Variants in DNAH8 observed in about 807,000 individuals in gnomAD.
DNAH8 encodes axonemal beta dynein heavy chain 8.
A neutral mutation model predicts 562.1 loss-of-function variants in DNAH8; 382 were observed. The ratio of observed to expected loss-of-function variants is 0.68; its 90% CI spans 0.63 to 0.74. The LOEUF is 0.74. DNAH8 is among the 30% of genes least tolerant of loss of function. DNAH8 has a pLI of 0.00. For missense variants in DNAH8, 5,203 were observed against 5,620.4 expected (o/e 0.93, Z 2.37); for synonymous variants, 1,881 against 1,919.4 (o/e 0.98, Z 0.52).
chr6:38,793,755 C>T (rs900843419), intron 21 of DNAH8, among the ~76,000 whole-genome samples: 1 of 151,444 alleles, frequency 6.6e-6, no homozygotes, highest in African/African-American at 2.4e-5. Flanking sequence ...TGATCTTTTT[C>T]TCATGTCTTT....
At chr6:38,772,032 T>C (rs1284375106) in intron 12 of DNAH8, among the ~76,000 whole-genome samples, 1 of 149,672 alleles carries the variant, frequency 6.7e-6, no homozygotes, top group East Asian at 1.9e-4. Flanking sequence ...ATGATTTCTT[T>C]TTTTTTTTTT....
chr6:39,029,917 A>G (rs1190895869), intron 92 of DNAH8, among the ~76,000 whole-genome samples, 188 bp from the exon 93 acceptor site: 1 of 152,164 alleles, frequency 6.6e-6, no homozygotes, highest in African/African-American at 2.4e-5. Flanking sequence ...TCATAGCCTC[A>G]ACACAGGCTG....
chr6:39,013,156 C>G (rs562640990), intron 91 of DNAH8, among the ~76,000 whole-genome samples: 3 of 152,080 alleles, frequency 2.0e-5, no homozygotes, highest in Non-Finnish European at 4.4e-5. Flanking sequence ...TTCATTTATT[C>G]CTTCCTTCTA....
Position 38,917,415 on chromosome 6 carries a change from A to C in DNAH8, c.10308+9A>C, listed in dbSNP as rs771220914. 3.1e-6 allele frequency: 5 copies of C among 1,611,040 alleles called. No individual in the cohort carries two copies. In the East Asian group the frequency reaches 1.1e-4, roughly 36 times the overall value. ...GGGGAGAGTCATTAAAGGTAAGTAAAATCTATCATTGTCAATCCTATGAGC... is the reference window on the plus strand; with the variant it reads ...GGGGAGAGTCATTAAAGGTAAGTAACATCTATCATTGTCAATCCTATGAGC... On this transcript the variant is annotated intron_variant, in intron 69 of 92. Coordinates refer to ENST00000327475, the MANE Select transcript of DNAH8 (RefSeq NM_001206927.2).
At chr6:38,902,330 A>G (rs1185119250) in intron 62 of DNAH8, among the ~76,000 whole-genome samples, 4 of 152,012 alleles carry the variant, frequency 2.6e-5, no homozygotes, top group Non-Finnish European at 5.9e-5. Flanking sequence ...CACCACCTCT[A>G]TCTGGTGGGT....
chr6:38,718,817 T>C (rs1216067223), intron 1 of DNAH8, among the ~76,000 whole-genome samples: 1 of 152,200 alleles, frequency 6.6e-6, no homozygotes, highest in African/African-American at 2.4e-5. Flanking sequence ...GTTTGTGGTC[T>C]TTTGGAAGAA....
intron 22 of DNAH8, among the ~76,000 whole-genome samples, chr6:38,803,980 A>C (rs1771023600): frequency 6.6e-6 from 1 of 152,206 alleles, no homozygotes; most frequent in Non-Finnish European, 1.5e-5. Context: ...GATTCTGCCC[A>C]CACCCTCATA....
At chr6:38,771,563 C>T (rs1767579037) in intron 12 of DNAH8, among the ~76,000 whole-genome samples, 1 of 152,102 alleles carries the variant, frequency 6.6e-6, no homozygotes. Flanking sequence ...CTCCTCTCCC[C>T]AGTTTTAAGC....
intron 57 of DNAH8, among the ~76,000 whole-genome samples, chr6:38,887,833 CT>C (rs538279493): frequency 0.03 from 3,600 of 120,832 alleles, 59 homozygotes; most frequent in African/African-American, 0.072. Flanking sequence ...AAAGGGCAGA[CT>C]TTTTTTTTTT....
At chr6:38,851,014 C>T (rs148696225) in intron 38 of DNAH8, among the ~76,000 whole-genome samples, 251 of 152,278 alleles carry the variant, frequency 1.6e-3, no homozygotes, top group African/African-American at 5.8e-3. Context: ...CCACTGCAGG[C>T]GTAGAATAGA....
Position 38,739,540 on chromosome 6 carries a change from C to T in DNAH8, c.1116+1568C>T, listed in dbSNP as rs150558335. ...AATAGAACATGGCTAGGCATGGTGG[C>T]TCATGCTTGTAATCCCAGCACTTTG... On this transcript the variant is annotated intron_variant, in intron 7 of 92. Transcript: ENST00000327475. 2.1e-3 allele frequency among the ~76,000 whole-genome samples: 327 copies of T among 152,272 alleles called. 4 individuals carry two copies. The highest frequency in any genetic ancestry group is 7.6e-3 in the African/African-American group (314 of 41,566).
At chr6:38,789,720 T>A (rs1013239455) in intron 18 of DNAH8, 83 bp from the exon 19 acceptor site, 10 of 1,049,838 alleles carry the variant, frequency 9.5e-6, no homozygotes, top group Non-Finnish European at 1.4e-5. Context: ...ACTGGGATTA[T>A]GAAACCTTCC....
At chr6:38,854,447 A>G (rs1399847567) in intron 41 of DNAH8, among the ~76,000 whole-genome samples, 3 of 152,174 alleles carry the variant, frequency 2.0e-5, no homozygotes, top group Non-Finnish European at 2.9e-5. Context: ...TAGTGCACAC[A>G]AAATGAAGAC....
chr6:38,759,310 A>AAAACAAAC (rs77729842), intron 10 of DNAH8, among the ~76,000 whole-genome samples: 1,540 of 151,142 alleles, frequency 0.01, 21 homozygotes, highest in African/African-American at 0.03. Flanking sequence ...CCTGTCTCAA[A>AAAACAAAC]AAACAAACAA....
At chr6:38,768,572 T>TA (rs11302547) in intron 11 of DNAH8, among the ~76,000 whole-genome samples, 3,004 of 149,684 alleles carry the variant, frequency 0.02, 107 homozygotes, top group African/African-American at 0.068. Flanking sequence ...GCCTGTTTAT[T>TA]AAAAAAAAAA....
intron 10 of DNAH8, among the ~76,000 whole-genome samples, chr6:38,758,952 T>C (rs1461159485): frequency 6.6e-6 from 1 of 152,138 alleles, no homozygotes; most frequent in East Asian, 1.9e-4. Context: ...TGAGGATTTT[T>C]GCATCCATGT....
chr6:39,027,866 A>C (rs1359735336), intron 92 of DNAH8, among the ~76,000 whole-genome samples: 1 of 152,132 alleles, frequency 6.6e-6, no homozygotes, highest in Non-Finnish European at 1.5e-5. Context: ...GGTAGTTGTG[A>C]AGATTTAAAT....
chr6:38,903,052 A>T (rs1780179505), intron 62 of DNAH8, among the ~76,000 whole-genome samples: 1 of 152,208 alleles, frequency 6.6e-6, no homozygotes, highest in African/African-American at 2.4e-5. Flanking sequence ...AGAATTGCCT[A>T]TGGTATTCAT....
chr6:38,715,338 T>TC lies in DNAH8; in HGVS notation c.-107dup, dbSNP rs1295688347. 6.6e-6 allele frequency: 1 copy of TC among 152,182 alleles called. No homozygotes were observed. The highest frequency in any genetic ancestry group is 2.4e-5 in the African/African-American group (1 of 41,490). The allele number at this position is 152,182 out of a possible 1,614,324, so 9.4% of individuals were successfully genotyped here. A position where few individuals can be genotyped will look rare whatever the true frequency, so the allele number is the denominator to read the frequency against. The stretch of plus-strand genomic sequence containing the variant: ...TCCGGGCCGCGGAGGCCGGAGCAGC[T>TC]CCCCCGGGGCAGCGCAACCGCTGGG... On this transcript the variant is annotated 5_prime_UTR_variant, in exon 1 of 93. Transcript: ENST00000327475.
Sources: allele counts gnomAD v4.1 joint callset (sites outside exome capture counted in the v4.1 genomes callset), GRCh38; gene constraint gnomAD v4.1.1; transcripts MANE v1.5; gene names NCBI Gene and HGNC (gene_info 2026-07-23, HGNC 2026-07-21).